The following WDFY4 variants were observed in gnomAD, a reference collection of about 807,000 sequenced individuals.
WDFY4 encodes WDFY family member 4.
WDFY4 carries 169 observed loss-of-function variants against 351.9 expected under a neutral mutation model. The ratio of observed to expected loss-of-function variants is 0.48; its 90% CI spans 0.42 to 0.55. The LOEUF is 0.55. Ranked by LOEUF, WDFY4 falls within the 20% of genes least tolerant of loss-of-function variation. WDFY4 has a pLI of 0.00. For missense variants in WDFY4, 3,803 were observed against 3,935.6 expected, an observed-to-expected ratio of 0.97 and a Z score of 0.90; for synonymous variants, 1,622 against 1,574.6, an observed-to-expected ratio of 1.03 and a Z score of -0.71.
chr10:48,812,483 C>G (rs975128306), intron 30 of WDFY4, among the ~76,000 whole-genome samples: 1 of 152,136 alleles, frequency 6.6e-6, no homozygotes, highest in Non-Finnish European at 1.5e-5. Context: ...ACCCACCGCA[C>G]CCGGCCCCCT....
intron 47 of WDFY4, among the ~76,000 whole-genome samples, chr10:48,904,321 A>G (rs1837507589): frequency 6.6e-6 from 1 of 152,210 alleles, no homozygotes; most frequent in Non-Finnish European, 1.5e-5. Flanking sequence ...CTAATTGTGC[A>G]TATCTGCTGA....
chr10:48,730,740 A>T (rs973631706), intron 8 of WDFY4, among the ~76,000 whole-genome samples: 6 of 152,274 alleles, frequency 3.9e-5, no homozygotes, highest in Admixed American at 2.6e-4. Flanking sequence ...ATTATTTTTG[A>T]TAATATATTT....
chr10:48,816,306 T>C (rs1416903591), intron 31 of WDFY4, among the ~76,000 whole-genome samples: 1 of 152,198 alleles, frequency 6.6e-6, no homozygotes, highest in Non-Finnish European at 1.5e-5. Flanking sequence ...CATTTATCAG[T>C]CTCCTGATTT....
At chr10:48,841,122 T>C (rs962689214) in intron 39 of WDFY4, among the ~76,000 whole-genome samples, 4 of 152,362 alleles carry the variant, frequency 2.6e-5, no homozygotes, top group African/African-American at 9.6e-5. Context: ...ATTTCAAAAT[T>C]GCTTAGAGCA....
chr10:48,774,130 T>C (rs2065952850), intron 13 of WDFY4, among the ~76,000 whole-genome samples: 1 of 152,250 alleles, frequency 6.6e-6, no homozygotes, highest in African/African-American at 2.4e-5. Context: ...TGCTGAAATA[T>C]TGTGTGGGTC....
intron 43 of WDFY4, 112 bp from the exon 44 acceptor site, chr10:48,890,467 G>A: frequency 7.6e-7 from 1 of 1,323,516 alleles, no homozygotes; most frequent in Non-Finnish European, 1.0e-6. Context: ...ACAAGGCACT[G>A]CTCTCACCTC....
intron 39 of WDFY4, among the ~76,000 whole-genome samples, chr10:48,832,990 A>G (rs573144015): frequency 1.3e-5 from 2 of 152,264 alleles, no homozygotes; most frequent in Non-Finnish European, 2.9e-5. Context: ...GGACAGAAAC[A>G]TTCACTTCAT....
Position 48,867,360 on chromosome 10 carries a change from G to C in WDFY4, c.6741+18G>C. Reference sequence around the variant, plus strand: ...ATGTGCAAGTAAGAAACAAAACATAGGCTTTCTCTATACAGCAAGCTGGAA... The same window carrying C: ...ATGTGCAAGTAAGAAACAAAACATACGCTTTCTCTATACAGCAAGCTGGAA... On this transcript the variant is annotated intron_variant, in intron 40 of 61. Transcript: ENST00000325239. 6.9e-7 allele frequency: 1 copy of C among 1,448,784 alleles called. No homozygotes were observed. 89.7% of individuals were successfully genotyped at this position (1,448,784 alleles called of 1,614,324 possible).
In WDFY4 at chr10:48,854,467, G is replaced by A. The variant is rs560913743; in HGVS notation, c.6664-12798G>A. ...GACTTCAATATTTTACACCCCAACA[G>A]TCTCACTAGGCGATCCCTTGCAGTT... is the stretch of plus-strand genomic sequence containing the variant. On this transcript the variant is annotated intron_variant, in intron 39 of 61. Coordinates refer to ENST00000325239, the MANE Select transcript of WDFY4 (RefSeq NM_001394531.1). 8.6e-5 allele frequency among the ~76,000 whole-genome samples: 13 copies of A among 152,014 alleles called. No homozygotes were observed. In the East Asian group the frequency reaches 2.5e-3, roughly 29 times the overall value.
intron 47 of WDFY4, chr10:48,913,786 G>C (rs755492919): frequency 2.5e-6 from 4 of 1,614,092 alleles, no homozygotes; most frequent in Non-Finnish European, 3.4e-6. Flanking sequence ...TTCACAGCGC[G>C]GATGTTCTTG....
At chr10:48,697,135 A>T (rs1334338589) in intron 1 of WDFY4, among the ~76,000 whole-genome samples, 1 of 152,160 alleles carries the variant, frequency 6.6e-6, no homozygotes, top group Non-Finnish European at 1.5e-5. Flanking sequence ...CCACTCCTAG[A>T]TACATGGAGC....
chr10:48,855,856 A>G (rs2069114364), intron 39 of WDFY4, among the ~76,000 whole-genome samples: 1 of 152,076 alleles, frequency 6.6e-6, no homozygotes, highest in East Asian at 1.9e-4. Context: ...GTATATTACT[A>G]TAATTACTCC....
rs1365496928 is a variant in WDFY4, at chr10:48,959,736, G to A, written c.8146G>A (p.Gly2716Arg). ...NGVEFGCMQD[G>R]TVLGDVQLPP... ...ATCCCATGCAGGCTGCATGCAGGAC[G>A]GGACTGTGCTAGGAGACGTGCAGCT... is the stretch of plus-strand genomic sequence containing the variant. Residue 2716 changes from glycine to arginine, a missense_variant, in exon 53 of 62, where the codon GGG (glycine) becomes AGG (arginine). Physicochemically the swap from Gly to Arg is moderately radical, Grantham distance 125. Around this residue, in one of 3 missense-constraint regions of WDFY4, gnomAD observed 3,054 missense variants for 3,148.6 expected, o/e 0.97. Transcript: ENST00000325239. 2.6e-6 allele frequency: 4 copies of A among 1,551,498 alleles called. No homozygotes were observed. Among genetic ancestry groups the A allele is most frequent in the Non-Finnish European group, 2.6e-6 (3 of 1,146,966 alleles).
intron 32 of WDFY4, among the ~76,000 whole-genome samples, chr10:48,818,290 A>G (rs527813438): frequency 3.0e-4 from 45 of 152,344 alleles, no homozygotes; most frequent in Middle Eastern, 3.4e-3. Flanking sequence ...ATCCATGCCA[A>G]GTGTGATGCC....
intron 24 of WDFY4, chr10:48,802,882 G>C: frequency 4.2e-6 from 2 of 481,426 alleles, no homozygotes; most frequent in South Asian, 3.1e-5. Flanking sequence ...CTGTCACTCA[G>C]CTGGTCTGTC....
intron 51 of WDFY4, among the ~76,000 whole-genome samples, chr10:48,948,674 G>C (rs150262151): frequency 6.6e-6 from 1 of 152,222 alleles, no homozygotes; most frequent in African/African-American, 2.4e-5. Flanking sequence ...GGTTAATTAT[G>C]CACATCTCTC....
At chr10:48,823,382 T>C (rs539202620) in intron 35 of WDFY4, 153 of 1,232,326 alleles carry the variant, frequency 1.2e-4, no homozygotes, top group Non-Finnish European at 1.5e-4. Flanking sequence ...GGTTATGCCC[T>C]CTGCAGCAGA....
intron 43 of WDFY4, among the ~76,000 whole-genome samples, chr10:48,889,791 A>G (rs1176921560): frequency 6.6e-6 from 1 of 152,218 alleles, no homozygotes; most frequent in Non-Finnish European, 1.5e-5. Context: ...GAGAAGTGCA[A>G]CCACAATGTA....
intron 2 of WDFY4, among the ~76,000 whole-genome samples, chr10:48,716,842 G>A (rs965634628): frequency 6.6e-6 from 1 of 152,208 alleles, no homozygotes; most frequent in Non-Finnish European, 1.5e-5. Context: ...GAAATACATC[G>A]TAGCAGCGTT....
Sources: allele counts gnomAD v4.1 joint callset (sites outside exome capture counted in the v4.1 genomes callset), GRCh38; gene constraint gnomAD v4.1.1; regional missense constraint gnomAD v4.1.1; transcripts MANE v1.5; gene names NCBI Gene and HGNC (gene_info 2026-07-23, HGNC 2026-07-21).